Variants in TAF2 observed in about 807,000 individuals in gnomAD.
The protein encoded by TAF2 is transcription initiation factor TFIID subunit 2.
TAF2 carries 61 observed loss-of-function variants against 138.5 expected under a neutral mutation model. The ratio of observed to expected loss-of-function variants is 0.44; its 90% CI spans 0.36 to 0.54. The LOEUF (loss-of-function observed/expected upper bound fraction) is 0.54. Ranked by LOEUF, TAF2 falls within the 20% of genes least tolerant of loss-of-function variation. The pLI is 0.00. For synonymous variants in TAF2, 475 were observed against 469.9 expected (o/e 1.01, Z -0.14); for missense variants, 1,090 against 1,427.9 (o/e 0.76, Z 3.81).
intron 25 of TAF2, among the ~76,000 whole-genome samples, chr8:119,738,531 C>T (rs2130981884): frequency 6.6e-6 from 1 of 152,214 alleles, no homozygotes; most frequent in South Asian, 2.1e-4. Flanking sequence ...AAAGGAGATA[C>T]ATTTAATTCA....
chr8:119,820,220 T>G lies in TAF2; in HGVS notation c.139-714A>C, dbSNP rs116210061. ...AAAGACGAACAGATGAAACACAGAA[T>G]ATATGTTAATTGATTTTAATATCCT... is the stretch of plus-strand genomic sequence containing the variant. On this transcript the variant is annotated intron_variant, in intron 2 of 25. Transcript: ENST00000378164. Among the ~76,000 whole-genome samples the G allele has an allele frequency of 9.0e-3, 1,373 of 152,286 alleles. 20 individuals are homozygous for G. Among genetic ancestry groups the G allele is most frequent in the African/African-American group, 0.032 (1,309 of 41,546 alleles).
chr8:119,776,906 C>T (rs1166260017), intron 18 of TAF2, among the ~76,000 whole-genome samples: 4 of 152,100 alleles, frequency 2.6e-5, no homozygotes, highest in Non-Finnish European at 4.4e-5. Context: ...AGCTGACCCT[C>T]TCTCTATATA....
At position 119,762,559 on chromosome 8, in the gene TAF2, G is replaced by C. The variant is rs1821139137; in HGVS notation, c.2414C>G (p.Ser805Cys). 2 of 1,613,624 alleles carry C rather than the reference G, an allele frequency of 1.2e-6. No individual in the cohort carries two copies. The highest frequency in any genetic ancestry group is 1.3e-5 in the African/African-American group (1 of 74,908). ...RAEMIDALAN[S>C]VTPAVSVNNE... is the part of the protein sequence containing the mutation. Reference sequence around the variant, plus strand: ...ATTCACACTGACTGCAGGTGTAACAGAGTTGGCCAGGGCATCAATCATTTC... The same window carrying C: ...ATTCACACTGACTGCAGGTGTAACACAGTTGGCCAGGGCATCAATCATTTC... The change falls in exon 19 of 26, where the codon TCT (serine) becomes TGT (cysteine). Residue 805 changes from serine to cysteine, a missense_variant. Ser to Cys is a moderately radical substitution (Grantham distance 112, BLOSUM62 -1). Around this residue, in one of 3 missense-constraint regions of TAF2, gnomAD observed 580 missense variants for 719.6 expected, o/e 0.81. Transcript: ENST00000378164.
intron 25 of TAF2, among the ~76,000 whole-genome samples, chr8:119,741,564 C>T (rs763139544): frequency 4.6e-5 from 7 of 152,116 alleles, no homozygotes; most frequent in East Asian, 1.9e-4. Context: ...GAACACACAA[C>T]GGTAAGCAAT....
intron 25 of TAF2, among the ~76,000 whole-genome samples, chr8:119,736,363 G>T (rs1292240535): frequency 6.6e-6 from 1 of 152,166 alleles, no homozygotes; most frequent in African/African-American, 2.4e-5. Context: ...GCTAATTCCA[G>T]GTCTATGACA....
At position 119,778,113 on chromosome 8, in the gene TAF2, A is replaced by G; in HGVS notation, c.2270T>C (p.Met757Thr). 2 of 1,602,082 alleles carry G rather than the reference A, an allele frequency of 1.2e-6. No homozygotes were observed. Among genetic ancestry groups the G allele is most frequent in the Non-Finnish European group, 1.7e-6 (2 of 1,170,886 alleles). Residue 757 changes from methionine to threonine, a missense_variant, in exon 18 of 26, where the codon ATG becomes ACG. Physicochemically the swap from Met to Thr is moderately conservative, Grantham distance 81. This residue lies in a region of TAF2 where 580 missense variants were observed against 719.6 expected (regional missense o/e 0.81). Transcript: ENST00000378164. Reference sequence around the variant, plus strand: ...ATTATGAACATCTCTTAATAAAGCCATTGCAACTGGCATAGTCTACAAAAG... The same window carrying G: ...ATTATGAACATCTCTTAATAAAGCCGTTGCAACTGGCATAGTCTACAAAAG... Reference protein sequence around the residue: ...YFLQKTMPVAMALLRDVHNLC... With the variant: ...YFLQKTMPVATALLRDVHNLC...
At chr8:119,787,639 T>G (rs1322729460) in intron 14 of TAF2, among the ~76,000 whole-genome samples, 1 of 152,170 alleles carries the variant, frequency 6.6e-6, no homozygotes. Flanking sequence ...ACACTGTTGG[T>G]GGAAGTGTAA....
At chr8:119,766,657 C>A (rs1305350156) in intron 18 of TAF2, among the ~76,000 whole-genome samples, 4 of 151,874 alleles carry the variant, frequency 2.6e-5, no homozygotes, top group Non-Finnish European at 5.9e-5. Context: ...GAGTGTGGTA[C>A]AAAAATTAGC....
chr8:119,786,836 T>A (rs532825959), intron 14 of TAF2, among the ~76,000 whole-genome samples: 5 of 152,206 alleles, frequency 3.3e-5, no homozygotes, highest in African/African-American at 1.2e-4. Context: ...ACAGGAGAAT[T>A]GCTTGAACCG....
intron 22 of TAF2, among the ~76,000 whole-genome samples, chr8:119,747,573 T>C (rs773694826): frequency 4.6e-5 from 7 of 152,146 alleles, no homozygotes; most frequent in African/African-American, 1.4e-4. Flanking sequence ...TTCTCCAAAA[T>C]AGGAGTTTTG....
At chr8:119,757,271 A>G (rs1563835322) in intron 21 of TAF2, among the ~76,000 whole-genome samples, 1 of 152,180 alleles carries the variant, frequency 6.6e-6, no homozygotes, top group Non-Finnish European at 1.5e-5. Flanking sequence ...TATAAGAATA[A>G]AAGTGAAATG....
At chr8:119,735,947 A>G (rs965943470) in intron 25 of TAF2, among the ~76,000 whole-genome samples, 1 of 152,212 alleles carries the variant, frequency 6.6e-6, no homozygotes, top group Non-Finnish European at 1.5e-5. Flanking sequence ...TTCTATATCA[A>G]CAGACTTTGC....
chr8:119,767,504 C>T lies in TAF2; in HGVS notation c.2365-4896G>A, dbSNP rs540158168. Among the ~76,000 whole-genome samples, 13 of 152,316 alleles carry T rather than the reference C, an allele frequency of 8.5e-5. No homozygotes were observed. In the South Asian group the frequency reaches 2.7e-3, roughly 32 times the overall value. On this transcript the variant is annotated intron_variant, in intron 18 of 25. Coordinates refer to ENST00000378164, the MANE Select transcript of TAF2 (RefSeq NM_003184.4). ...TACAATCCTAGCAGCAGGGAGCCGA[C>T]ACCTCTTGGCCCCTCAGGCTTCCAG...
intron 22 of TAF2, among the ~76,000 whole-genome samples, chr8:119,755,464 T>C (rs2131037958): frequency 6.6e-6 from 1 of 152,202 alleles, no homozygotes; most frequent in South Asian, 2.1e-4. Context: ...ACCACTGCAC[T>C]CCAACCTGGG....
At chr8:119,829,319 A>G (rs1041382950) in intron 2 of TAF2, among the ~76,000 whole-genome samples, 8 of 152,136 alleles carry the variant, frequency 5.3e-5, no homozygotes, top group Admixed American at 3.9e-4. Flanking sequence ...CAGTAGCTTC[A>G]TTCTTCTATT....
chr8:119,789,723 C>G lies in TAF2; in HGVS notation c.1437G>C (p.Leu479=). The change falls in exon 12 of 26, where the codon CTG becomes CTC. Residue 479 remains leucine (L), a synonymous_variant. Coordinates refer to ENST00000378164, the MANE Select transcript of TAF2 (RefSeq NM_003184.4). The part of the protein sequence containing the change: ...MLQVFNKLLS[L]ASTASSQKFQ... The stretch of plus-strand genomic sequence containing the variant: ...ACTTCTGAGATGAAGCAGTACTAGC[C>G]AGACTTAGCAGTTTATTGAAAACCT... The G allele has an allele frequency of 6.2e-7, 1 of 1,613,732 alleles. No individual in the cohort carries two copies. The highest frequency in any genetic ancestry group is 8.5e-7 in the Non-Finnish European group (1 of 1,179,890).
In TAF2 at chr8:119,783,615, C is replaced by T; in HGVS notation, c.1878G>A (p.Leu626=). The T allele has an allele frequency of 6.2e-7, 1 of 1,614,058 alleles. No homozygotes were observed. The highest frequency in any genetic ancestry group is 8.5e-7 in the Non-Finnish European group (1 of 1,179,950). Residue 626 remains leucine, a synonymous_variant, in exon 16 of 26, where the codon CTG becomes CTA. Transcript: ENST00000378164. The part of the protein sequence containing the change: ...LSAMDADSPL[L]WIRIDPDMSV... The stretch of plus-strand genomic sequence containing the variant: ...ACATATCTGGGTCTATCCTTATCCA[C>T]AGCAAAGGGGAATCAGCACTGCAAG...
At position 119,732,127 on chromosome 8, in the gene TAF2, CTGAGA is replaced by C. The variant is rs1346250125; in HGVS notation, c.3392_3396del (p.Leu1131ArgfsTer4). The C allele has an allele frequency of 6.2e-7, 1 of 1,614,028 alleles. No individual in the cohort carries two copies. The highest frequency in any genetic ancestry group is 1.7e-5 in the Admixed American group (1 of 59,996). ...GAGGCTGTAGATTCCTTAGTAAAGA[CTGAGA>C]GTGGAGCGCTTGCCGCTGGATGCAT... On this transcript the variant is annotated frameshift_variant, in exon 26 of 26. Coordinates refer to ENST00000378164, the MANE Select transcript of TAF2 (RefSeq NM_003184.4). LOFTEE classifies it high-confidence loss of function.
At chr8:119,803,340 T>G (rs1824393281) in intron 5 of TAF2, among the ~76,000 whole-genome samples, 1 of 152,052 alleles carries the variant, frequency 6.6e-6, no homozygotes, top group Admixed American at 6.5e-5. Flanking sequence ...AGGAATCAAG[T>G]GAGATGATTA....
Sources: allele counts gnomAD v4.1 joint callset (sites outside exome capture counted in the v4.1 genomes callset), GRCh38; gene constraint gnomAD v4.1.1; regional missense constraint gnomAD v4.1.1; transcripts MANE v1.5; gene names NCBI Gene and HGNC (gene_info 2026-07-23, HGNC 2026-07-21).